Variants in C13orf46 observed in about 807,000 individuals in gnomAD.
The protein encoded by C13orf46 is chromosome 13 open reading frame 46.
At chr13:113,959,281 A>G (rs1284920434) in intron 6 of C13orf46, among the ~76,000 whole-genome samples, 1 of 152,178 alleles carries the variant, frequency 6.6e-6, no homozygotes, top group Non-Finnish European at 1.5e-5. Flanking sequence ...AAAAAAGAAA[A>G]GGAAAAGATT....
At chr13:113,958,051 G>C (rs1175373197) in intron 6 of C13orf46, among the ~76,000 whole-genome samples, 1 of 111,372 alleles carries the variant, frequency 9.0e-6, no homozygotes, top group African/African-American at 3.3e-5. Flanking sequence ...CTTTCATCAA[G>C]TGCACCGGGG....
At chr13:113,934,180 C>T in the C13orf46 span, among the ~76,000 whole-genome samples, 12 of 152,220 alleles carry the variant, frequency 7.9e-5, no homozygotes, top group African/African-American at 2.9e-4. Context: ...CTGTTTCTCT[C>T]CGTTGCTGAG....
chr13:113,934,417 G>A, the C13orf46 span, among the ~76,000 whole-genome samples: 1 of 152,250 alleles, frequency 6.6e-6, no homozygotes, highest in Non-Finnish European at 1.5e-5. Flanking sequence ...AGGATGGATG[G>A]AGATGAGTCG....
the C13orf46 span, among the ~76,000 whole-genome samples, chr13:113,942,722 C>T: frequency 1.6e-4 from 24 of 152,188 alleles, no homozygotes; most frequent in African/African-American, 5.3e-4. Flanking sequence ...GACGGCAGGG[C>T]GCGGTAGGAA....
Position 113,966,115 on chromosome 13 carries a change from TGATGATGG to T in C13orf46, c.505-1129_505-1122del. The stretch of plus-strand genomic sequence containing the variant: ...TTAATGATGGTGATGATGATGATGG[TGATGATGG>T]TGATTATAATGGTGATGATGACAAT... On this transcript the variant is annotated intron_variant, in intron 5 of 6. Coordinates refer to ENST00000636427, the MANE Select transcript of C13orf46 (RefSeq NM_001365455.2). Among the ~76,000 whole-genome samples, 2 of 59,876 alleles carry T rather than the reference TGATGATGG, an allele frequency of 3.3e-5. 1 individual carries two copies. Among genetic ancestry groups the T allele is most frequent in the South Asian group, 1.6e-3 (2 of 1,282 alleles). The allele number at this position is 59,876 out of a possible 152,430, so 39.3% of individuals were successfully genotyped here.
chr13:113,930,056 G>A, the C13orf46 span, among the ~76,000 whole-genome samples: 4 of 152,328 alleles, frequency 2.6e-5, no homozygotes, highest in African/African-American at 7.2e-5. Flanking sequence ...TTTATGCCAC[G>A]TGCATTTCTG....
chr13:113,940,250 A>G, the C13orf46 span, among the ~76,000 whole-genome samples: 1 of 152,268 alleles, frequency 6.6e-6, no homozygotes, highest in East Asian at 1.9e-4. Flanking sequence ...GCAGGAGGCC[A>G]GAGCCAGGTG....
At position 113,953,902 on chromosome 13, in the gene C13orf46, C is replaced by T. The variant is rs2052500317; in HGVS notation, c.*2871G>A. On this transcript the variant is annotated 3_prime_UTR_variant, in exon 7 of 7. Transcript: ENST00000636427. ...CGGCAGCCTGTCCAGGACAGCCCGT[C>T]CAGGGCCCATTTCCGGTTGTCTGGG... 6.6e-6 allele frequency: 1 copy of T among 152,286 alleles called. No homozygotes were observed. The highest frequency in any genetic ancestry group is 1.9e-4 in the East Asian group (1 of 5,192). The allele number at this position is 152,286 out of a possible 1,614,324, so 9.4% of individuals were successfully genotyped here. A position where few individuals can be genotyped will look rare whatever the true frequency, so the allele number is the denominator to read the frequency against.
At chr13:113,940,153 G>A in the C13orf46 span, among the ~76,000 whole-genome samples, 5 of 152,360 alleles carry the variant, frequency 3.3e-5, no homozygotes, top group South Asian at 2.1e-4. Flanking sequence ...CAGATGCACC[G>A]TCAGCCGCAT....
chr13:113,972,958 G>A (rs1039761367), intron 1 of C13orf46, among the ~76,000 whole-genome samples: 10 of 152,216 alleles, frequency 6.6e-5, no homozygotes, highest in African/African-American at 2.2e-4. Context: ...GCAGCCCTGG[G>A]TGGGTTACGG....
downstream of C13orf46, among the ~76,000 whole-genome samples, chr13:113,951,472 C>T (rs1296778974): frequency 2.6e-5 from 4 of 152,218 alleles, no homozygotes; most frequent in East Asian, 1.9e-4. Flanking sequence ...GCACCACTCC[C>T]CCCCGCCGCC....
chr13:113,971,445 A>G (rs1041385690), intron 1 of C13orf46, among the ~76,000 whole-genome samples: 9 of 152,202 alleles, frequency 5.9e-5, no homozygotes, highest in Non-Finnish European at 1.2e-4. Context: ...CCAGAGGTGG[A>G]GCGCAGAGCC....
the C13orf46 span, among the ~76,000 whole-genome samples, chr13:113,931,904 A>G: frequency 2.0e-5 from 3 of 151,958 alleles, no homozygotes; most frequent in South Asian, 2.1e-4. Context: ...CATGACCACA[A>G]TCGAGACCAT....
chr13:113,934,329 G>A, the C13orf46 span, among the ~76,000 whole-genome samples: 3 of 152,310 alleles, frequency 2.0e-5, no homozygotes, highest in South Asian at 6.2e-4. Context: ...ATTTCTCTGC[G>A]ATAAATGCCC....
intron 1 of C13orf46, among the ~76,000 whole-genome samples, chr13:113,972,728 C>T (rs988840790): frequency 1.6e-4 from 24 of 152,218 alleles, no homozygotes; most frequent in African/African-American, 5.8e-4. Flanking sequence ...TACGCAGGTT[C>T]CTTGCTGGTG....
At chr13:113,969,379 C>T (rs1192197554) in intron 2 of C13orf46, among the ~76,000 whole-genome samples, 2 of 152,254 alleles carry the variant, frequency 1.3e-5, no homozygotes, top group African/African-American at 2.4e-5. Flanking sequence ...GTCTTCCCAG[C>T]TCAACTGCCC....
At chr13:113,964,167 C>T (rs1351928576) in intron 6 of C13orf46, among the ~76,000 whole-genome samples, 2 of 152,078 alleles carry the variant, frequency 1.3e-5, no homozygotes, top group African/African-American at 4.8e-5. Context: ...TTTTATAAAG[C>T]CGATAGAACA....
At chr13:113,946,942 G>A in the C13orf46 span, among the ~76,000 whole-genome samples, 4 of 152,256 alleles carry the variant, frequency 2.6e-5, no homozygotes, top group East Asian at 3.9e-4. Flanking sequence ...GGGGCCGACC[G>A]GCAGGTGCGT....
the C13orf46 span, among the ~76,000 whole-genome samples, chr13:113,930,972 G>A: frequency 2.0e-5 from 3 of 152,226 alleles, no homozygotes; most frequent in Non-Finnish European, 2.9e-5. Context: ...CAGAAAGCCC[G>A]TGGGTGGCGA....
Sources: allele counts gnomAD v4.1 joint callset (sites outside exome capture counted in the v4.1 genomes callset), GRCh38; gene constraint gnomAD v4.1.1; transcripts MANE v1.5; gene names NCBI Gene and HGNC (gene_info 2026-07-23, HGNC 2026-07-21).